Variants in GOLGA7B observed in about 807,000 individuals in gnomAD.
GOLGA7B encodes golgin subfamily A member 7B.
GOLGA7B carries 17 observed loss-of-function variants against 21.5 expected under a neutral mutation model. The ratio of observed to expected loss-of-function variants is 0.79; its 90% CI spans 0.54 to 1.19. The LOEUF (loss-of-function observed/expected upper bound fraction) is 1.19. Among genes scored for constraint, GOLGA7B ranks in the 50% most tolerant of loss-of-function variants. The probability of loss-of-function intolerance (pLI) is 0.00; values close to 1 mark genes in which losing one functional copy is unlikely to be tolerated. For synonymous variants in GOLGA7B, 87 were observed against 84.0 expected, an observed-to-expected ratio of 1.04 and a Z score of -0.19; for missense variants, 169 against 224.4, an observed-to-expected ratio of 0.75 and a Z score of 1.58.
chr10:97,864,156 C>T lies in GOLGA7B; in HGVS notation c.292-12C>T, dbSNP rs868842664. 3 of 1,613,900 alleles carry T rather than the reference C, an allele frequency of 1.9e-6. No homozygotes were observed. The highest frequency in any genetic ancestry group is 2.2e-5 in the East Asian group (1 of 44,892). On this transcript the variant is annotated splice_polypyrimidine_tract_variant and intron_variant, in intron 3 of 4. Coordinates refer to ENST00000370602, the MANE Select transcript of GOLGA7B (RefSeq NM_001010917.3). ...TGGCATGCTCATCCTTGTCTGGCTC[C>T]TCTTTTTGCAGGTTCTCAAGAAGAT...
intron 1 of GOLGA7B, among the ~76,000 whole-genome samples, chr10:97,853,791 G>T (rs933488461): frequency 1.3e-5 from 2 of 152,278 alleles, no homozygotes; most frequent in South Asian, 4.1e-4. Context: ...AGAGCATCAC[G>T]GATCTCTGCT....
rs558902359 is a variant in GOLGA7B at position 97,866,582 on chromosome 10, G to C, written c.*882G>C. 6.6e-6 allele frequency: 1 copy of C among 152,280 alleles called. No individual in the cohort carries two copies. The highest frequency in any genetic ancestry group is 1.5e-5 in the Non-Finnish European group (1 of 68,064). 9.4% of individuals were successfully genotyped at this position (152,280 alleles called of 1,614,324 possible). A position where few individuals can be genotyped will look rare whatever the true frequency, so the allele number is the denominator to read the frequency against. On this transcript the variant is annotated 3_prime_UTR_variant, in exon 5 of 5. Transcript: ENST00000370602. ...AGTGTGCGTAAATGTGTGAGTCTGC[G>C]TGTGTTAGCATGCCTGTATGTGAGC...
At chr10:97,860,374 T>C (rs899357390) in intron 2 of GOLGA7B, among the ~76,000 whole-genome samples, 2 of 152,124 alleles carry the variant, frequency 1.3e-5, no homozygotes, top group Non-Finnish European at 2.9e-5. Flanking sequence ...AGGTCTTTTT[T>C]TTTTTCCCTT....
intron 4 of GOLGA7B, chr10:97,864,974 A>C (rs935724810): frequency 6.6e-6 from 1 of 152,516 alleles, no homozygotes; most frequent in Non-Finnish European, 1.5e-5. Flanking sequence ...GGAGAAACAG[A>C]GTCAAAAAAC....
chr10:97,858,243 G>A (rs1372066214), intron 1 of GOLGA7B, among the ~76,000 whole-genome samples: 3 of 152,134 alleles, frequency 2.0e-5, no homozygotes, highest in Admixed American at 1.3e-4. Context: ...TTACTTCTCT[G>A]TGGCATTTGT....
intron 1 of GOLGA7B, among the ~76,000 whole-genome samples, chr10:97,858,790 C>T (rs1034626781): frequency 2.6e-5 from 4 of 152,198 alleles, no homozygotes; most frequent in Admixed American, 2.0e-4. Context: ...CCATAAAACT[C>T]GGCCTGGACC....
chr10:97,852,204 CT>C lies in GOLGA7B; in HGVS notation c.12+1897del, dbSNP rs912347599. On this transcript the variant is annotated intron_variant, in intron 1 of 4. Coordinates refer to ENST00000370602, the MANE Select transcript of GOLGA7B (RefSeq NM_001010917.3). ...GAGTCTTCTGCCTCTTTGGCCAGTG[CT>C]TTTTTTTCCTGCATCCAATTAGCCT... Among the ~76,000 whole-genome samples the C allele has an allele frequency of 3.6e-4, 55 of 152,152 alleles. 1 individual carries two copies. The highest frequency in any genetic ancestry group is 3.4e-3 in the Middle Eastern group (1 of 294).
intron 2 of GOLGA7B, among the ~76,000 whole-genome samples, chr10:97,862,149 A>G (rs1489694972): frequency 6.6e-6 from 1 of 152,250 alleles, no homozygotes; most frequent in Non-Finnish European, 1.5e-5. Flanking sequence ...GACTGGAGTC[A>G]GAGCTGTAAC....
At chr10:97,854,519 C>T (rs754081531) in intron 1 of GOLGA7B, among the ~76,000 whole-genome samples, 9 of 152,174 alleles carry the variant, frequency 5.9e-5, no homozygotes, top group Non-Finnish European at 1.3e-4. Context: ...GAGACTAAGG[C>T]TCTGCCATAT....
At chr10:97,852,106 A>G (rs187564673) in intron 1 of GOLGA7B, among the ~76,000 whole-genome samples, 2 of 152,354 alleles carry the variant, frequency 1.3e-5, no homozygotes, top group Non-Finnish European at 2.9e-5. Context: ...CATTTTACAG[A>G]TGATGGAACT....
chr10:97,857,278 T>C (rs974020582), intron 1 of GOLGA7B, among the ~76,000 whole-genome samples: 3 of 152,064 alleles, frequency 2.0e-5, no homozygotes, highest in Non-Finnish European at 2.9e-5. Context: ...GGGTCCAGTT[T>C]ATTCTTTTGC....
intron 1 of GOLGA7B, among the ~76,000 whole-genome samples, chr10:97,852,711 T>G (rs1294416450): frequency 5.0e-4 from 61 of 121,726 alleles, no homozygotes; most frequent in South Asian, 1.1e-3. Context: ...AGGAAGGGGG[T>G]GGGGAGAGGG....
chr10:97,863,630 G>T (rs1564866831), intron 2 of GOLGA7B, among the ~76,000 whole-genome samples: 1 of 152,200 alleles, frequency 6.6e-6, no homozygotes. Flanking sequence ...TCCAAGGGAG[G>T]ACAAGCAGCC....
At chr10:97,863,246 G>A (rs1016007303) in intron 2 of GOLGA7B, among the ~76,000 whole-genome samples, 3 of 152,226 alleles carry the variant, frequency 2.0e-5, no homozygotes, top group African/African-American at 7.2e-5. Context: ...AATGGGGATG[G>A]CAGTAGTACT....
chr10:97,861,858 T>A (rs2049972986), intron 2 of GOLGA7B, among the ~76,000 whole-genome samples: 1 of 152,192 alleles, frequency 6.6e-6, no homozygotes, highest in Non-Finnish European at 1.5e-5. Flanking sequence ...TGGCATGGAC[T>A]AGATGGGCAG....
intron 2 of GOLGA7B, among the ~76,000 whole-genome samples, chr10:97,863,151 G>C (rs2049981565): frequency 6.6e-6 from 1 of 152,176 alleles, no homozygotes; most frequent in African/African-American, 2.4e-5. Context: ...GGCCAGTGAA[G>C]GGGCCAGAGA....
chr10:97,863,793 A>G, intron 2 of GOLGA7B, 137 bp from the exon 3 acceptor site: 1 of 930,168 alleles, frequency 1.1e-6, no homozygotes, highest in Non-Finnish European at 1.6e-6. Context: ...CTCTGCCTGC[A>G]GCCTCTTTGG....
In GOLGA7B at chr10:97,867,953, G is replaced by C. The variant is rs552236524; in HGVS notation, c.*2253G>C. On this transcript the variant is annotated 3_prime_UTR_variant, in exon 5 of 5. Coordinates refer to ENST00000370602, the MANE Select transcript of GOLGA7B (RefSeq NM_001010917.3). ...CTTTGGGGCACTTGTAGCCTTGGGT[G>C]GGGGAACAGGTTGGACTGAAAGCGA... 1 of 152,270 alleles carries C rather than the reference G, an allele frequency of 6.6e-6. No homozygotes were observed. 9.4% of individuals were successfully genotyped at this position (152,270 alleles called of 1,614,324 possible).
In GOLGA7B at chr10:97,860,507, A is replaced by G. The variant is rs543374729; in HGVS notation, c.138+924A>G. Among the ~76,000 whole-genome samples the G allele has an allele frequency of 3.7e-4, 56 of 151,468 alleles. No individual in the cohort carries two copies. The South Asian group carries it at 0.012, about 32-fold the overall frequency. On this transcript the variant is annotated intron_variant, in intron 2 of 4. Coordinates refer to ENST00000370602, the MANE Select transcript of GOLGA7B (RefSeq NM_001010917.3). ...GCTGGGGTTACAGGTTCGTGCCACT[A>G]CTCCTGGCTAATTTATTGTAATTTT...
Sources: gnomAD v4.1 joint callset for allele counts (sites outside exome capture counted in the v4.1 genomes callset) on GRCh38, gnomAD v4.1.1 for gene constraint, MANE v1.5 for transcripts, NCBI Gene and HGNC (gene_info 2026-07-23, HGNC 2026-07-21) for gene names.